The following OSBPL10 variants were observed in gnomAD, a reference collection of about 807,000 sequenced individuals.
OSBPL10 encodes the protein oxysterol-binding protein-related protein 10.
OSBPL10 carries 49 observed loss-of-function variants against 81.7 expected under a neutral mutation model. That is an observed-to-expected ratio of 0.60 (90% CI 0.48 to 0.76). OSBPL10 has a LOEUF of 0.76. Ranked by LOEUF, OSBPL10 falls within the 30% of genes least tolerant of loss-of-function variation. The pLI, the probability that OSBPL10 is intolerant of heterozygous loss-of-function variation, is 0.00. For synonymous variants in OSBPL10, 419 were observed against 383.6 expected (o/e 1.09, Z -1.08); for missense variants, 923 against 987.8 (o/e 0.93, Z 0.88).
At chr3:31,687,211 C>A (rs1700814846) in intron 7 of OSBPL10, among the ~76,000 whole-genome samples, 2 of 152,062 alleles carry the variant, frequency 1.3e-5, no homozygotes, top group African/African-American at 2.4e-5. Context: ...GGCCATCAGC[C>A]CTGATGGGTA....
chr3:31,819,119 G>C (rs974637472), intron 4 of OSBPL10, among the ~76,000 whole-genome samples: 1 of 152,216 alleles, frequency 6.6e-6, no homozygotes, highest in Non-Finnish European at 1.5e-5. Flanking sequence ...ACAAACCTTT[G>C]TTAGAGCTAG....
At chr3:31,850,116 G>C (rs903689375) in intron 3 of OSBPL10, among the ~76,000 whole-genome samples, 15 of 152,074 alleles carry the variant, frequency 9.9e-5, no homozygotes, top group Non-Finnish European at 1.9e-4. Context: ...AGTGAGCCGA[G>C]GTCACGCCAC....
At chr3:31,918,307 C>T (rs971469088) in intron 1 of OSBPL10, among the ~76,000 whole-genome samples, 2 of 145,280 alleles carry the variant, frequency 1.4e-5, no homozygotes, top group African/African-American at 5.2e-5. Flanking sequence ...AGAAGACACA[C>T]ACTGGAGTTG....
chr3:31,957,951 T>C (rs1388945472), intron 1 of OSBPL10, among the ~76,000 whole-genome samples: 1 of 152,244 alleles, frequency 6.6e-6, no homozygotes, highest in African/African-American at 2.4e-5. Context: ...ATTCCTGTTT[T>C]TAAAAATGCA....
chr3:31,892,894 G>A (rs903719028), intron 1 of OSBPL10, among the ~76,000 whole-genome samples: 26 of 152,196 alleles, frequency 1.7e-4, no homozygotes, highest in African/African-American at 6.0e-4. Flanking sequence ...AATTTCAGGA[G>A]GTGAGAAAAC....
chr3:32,029,841 G>C (rs1699450343), intron 2 of OSBPL10, among the ~76,000 whole-genome samples: 1 of 152,150 alleles, frequency 6.6e-6, no homozygotes, highest in African/African-American at 2.4e-5. Context: ...ATGGGGCACA[G>C]GACAGTGATT....
At chr3:31,804,907 C>G (rs757615550) in intron 4 of OSBPL10, among the ~76,000 whole-genome samples, 5 of 152,152 alleles carry the variant, frequency 3.3e-5, no homozygotes, top group Non-Finnish European at 5.9e-5. Context: ...CTTTGTGTGT[C>G]TGTTTGGTGG....
At position 31,781,117 on chromosome 3, in the gene OSBPL10, G is replaced by A. The variant is rs528973344; in HGVS notation, c.730-32997C>T. Among the ~76,000 whole-genome samples the A allele has an allele frequency of 7.2e-5, 11 of 152,176 alleles. No individual in the cohort carries two copies. The South Asian group carries it at 2.1e-3, about 29-fold the overall frequency. Reference sequence around the variant, plus strand: ...GCATATTAAAAAGATAATACATAATGATCAACTGGGTTTCATACCAGGGAT... The same window carrying A: ...GCATATTAAAAAGATAATACATAATAATCAACTGGGTTTCATACCAGGGAT... On this transcript the variant is annotated intron_variant, in intron 4 of 11. Coordinates refer to ENST00000396556, the MANE Select transcript of OSBPL10 (RefSeq NM_017784.5).
intron 1 of OSBPL10, among the ~76,000 whole-genome samples, chr3:31,918,618 C>G (rs1332922348): frequency 6.6e-6 from 1 of 152,092 alleles, no homozygotes; most frequent in African/African-American, 2.4e-5. Flanking sequence ...AAGTCACTGG[C>G]CCCACTACCT....
chr3:31,893,040 A>C (rs1695947230), intron 1 of OSBPL10, among the ~76,000 whole-genome samples: 2 of 152,122 alleles, frequency 1.3e-5, no homozygotes, highest in African/African-American at 4.8e-5. Context: ...AGCGATAAAA[A>C]GTAAGAGCCA....
At chr3:31,885,177 CTT>C (rs1187126271) in intron 1 of OSBPL10, among the ~76,000 whole-genome samples, 1 of 152,160 alleles carries the variant, frequency 6.6e-6, no homozygotes, top group African/African-American at 2.4e-5. Context: ...CTCATATACA[CTT>C]ATATATGTGA....
At chr3:31,996,543 T>G (rs1441877210) in intron 2 of OSBPL10, among the ~76,000 whole-genome samples, 1 of 152,168 alleles carries the variant, frequency 6.6e-6, no homozygotes, top group East Asian at 1.9e-4. Flanking sequence ...TATCTTCAGA[T>G]TTAAGAATTG....
chr3:31,663,865 C>T (rs1700121305), intron 11 of OSBPL10: 2 of 1,434,658 alleles, frequency 1.4e-6, no homozygotes, highest in Non-Finnish European at 1.8e-6. Context: ...GTCAGTTGCT[C>T]AGTTCTGCCC....
At chr3:31,953,213 G>C (rs550125310) in intron 1 of OSBPL10, among the ~76,000 whole-genome samples, 1 of 152,028 alleles carries the variant, frequency 6.6e-6, no homozygotes, top group Non-Finnish European at 1.5e-5. Context: ...GATTACAGGC[G>C]TGAGCCAGCG....
At chr3:31,884,680 T>C (rs1012948171) in intron 1 of OSBPL10, among the ~76,000 whole-genome samples, 8 of 152,360 alleles carry the variant, frequency 5.3e-5, no homozygotes, top group Non-Finnish European at 1.0e-4. Context: ...ACCGTATTTC[T>C]GGATCGGGCT....
rs34579457 is a variant in OSBPL10 at position 31,761,813 on chromosome 3, T to TAAA, written c.730-13696_730-13694dup. Among the ~76,000 whole-genome samples the TAAA allele has an allele frequency of 1.3e-4, 14 of 107,548 alleles. 3 individuals are homozygous for TAAA. The highest frequency in any genetic ancestry group is 7.0e-4 in the African/African-American group (11 of 15,674). The allele number at this position is 107,548 out of a possible 152,430, so 70.6% of individuals were successfully genotyped here. A position where few individuals can be genotyped will look rare whatever the true frequency, so the allele number is the denominator to read the frequency against. ...CTGGGCAACAGAGCAAGACTGTCTC[T>TAAA]AAAAAAAAAAAAAAAAAACCCTAAA... On this transcript the variant is annotated intron_variant, in intron 4 of 11. Transcript: ENST00000396556.
chr3:31,886,607 C>T (rs1695743408), intron 1 of OSBPL10, among the ~76,000 whole-genome samples: 1 of 152,234 alleles, frequency 6.6e-6, no homozygotes, highest in Non-Finnish European at 1.5e-5. Context: ...CACCCTGTCT[C>T]GTCCTGACCA....
intron 2 of OSBPL10, among the ~76,000 whole-genome samples, chr3:32,036,342 C>A (rs1699519104): frequency 6.6e-6 from 1 of 151,990 alleles, no homozygotes; most frequent in Non-Finnish European, 1.5e-5. Context: ...GCCATTGCAC[C>A]CAGCCAAAAA....
intron 1 of OSBPL10, among the ~76,000 whole-genome samples, chr3:31,910,025 A>G: frequency 7.2e-6 from 1 of 138,172 alleles, no homozygotes; most frequent in Non-Finnish European, 1.5e-5. Flanking sequence ...CTCTGTCACC[A>G]GGCTGGAGTG....
Sources: gnomAD v4.1 joint callset for allele counts (sites outside exome capture counted in the v4.1 genomes callset) on GRCh38, gnomAD v4.1.1 for gene constraint, MANE v1.5 for transcripts, NCBI Gene and HGNC (gene_info 2026-07-23, HGNC 2026-07-21) for gene names.